The following RGS6 variants were observed in gnomAD, a reference collection of about 807,000 sequenced individuals.
RGS6 encodes the protein regulator of G protein signaling 6.
A neutral mutation model predicts 78.5 loss-of-function variants in RGS6; 30 were observed. The ratio of observed to expected loss-of-function variants is 0.38; its 90% CI spans 0.29 to 0.52. The LOEUF (loss-of-function observed/expected upper bound fraction) is 0.52, where lower values mean the gene tolerates loss of function less well. Ranked by LOEUF, RGS6 falls within the 20% of genes least tolerant of loss-of-function variation. The pLI is 0.85. For synonymous variants in RGS6, 206 were observed against 206.0 expected (o/e 1.00, Z 0.00); for missense variants, 495 against 609.7 (o/e 0.81, Z 1.98).
chr14:72,003,938 C>G (rs541407254), intron 2 of RGS6, among the ~76,000 whole-genome samples: 2 of 152,278 alleles, frequency 1.3e-5, no homozygotes, highest in African/African-American at 4.8e-5. Context: ...AGGTTGACAG[C>G]TGAGAGCTAA....
intron 2 of RGS6, among the ~76,000 whole-genome samples, chr14:72,093,387 T>C (rs918013772): frequency 6.6e-6 from 1 of 151,898 alleles, no homozygotes; most frequent in African/African-American, 2.4e-5. Context: ...GGACTAAAGG[T>C]GCATGCCACC....
In RGS6 at chr14:72,560,797, CGTGTGTGTGTGTGT is replaced by C. The variant is rs57504072; in HGVS notation, c.1423-1591_1423-1578del. 6.1e-3 allele frequency among the ~76,000 whole-genome samples: 855 copies of C among 141,322 alleles called. 6 individuals are homozygous for C. The highest frequency in any genetic ancestry group is 0.018 in the African/African-American group (721 of 39,170). 92.7% of individuals were successfully genotyped at this position (141,322 alleles called of 152,430 possible). ...GTTGCTGATGGGGTGATTTTGTGGACGTGTGTGTGTGTGTGTGTGTGTGTGTGTGTGTGTGTGTG... is the reference window on the plus strand; with the variant it reads ...GTTGCTGATGGGGTGATTTTGTGGACGTGTGTGTGTGTGTGTGTGTGTGTG... On this transcript the variant is annotated intron_variant, in intron 17 of 17. Transcript: ENST00000553525.
At chr14:72,253,082 T>C (rs1439193919) in intron 2 of RGS6, among the ~76,000 whole-genome samples, 1 of 152,234 alleles carries the variant, frequency 6.6e-6, no homozygotes, top group East Asian at 1.9e-4. Context: ...AGGAGTTCTC[T>C]ATCCAATGGT....
At chr14:72,583,855 G>A in the RGS6 span, among the ~76,000 whole-genome samples, 3 of 152,180 alleles carry the variant, frequency 2.0e-5, no homozygotes, top group South Asian at 2.1e-4. Context: ...GAGGACACCC[G>A]CCGGCTTCCT....
intron 2 of RGS6, among the ~76,000 whole-genome samples, chr14:72,236,671 C>T (rs949117863): frequency 5.3e-5 from 8 of 152,102 alleles, no homozygotes; most frequent in African/African-American, 1.4e-4. Context: ...ACATCCCAGA[C>T]GGTGGAGGGG....
At chr14:72,234,909 T>G (rs1401380165) in intron 2 of RGS6, among the ~76,000 whole-genome samples, 5 of 152,170 alleles carry the variant, frequency 3.3e-5, no homozygotes, top group South Asian at 2.1e-4. Context: ...TTTCCAAATT[T>G]GTGGGAAAGG....
intron 2 of RGS6, among the ~76,000 whole-genome samples, chr14:72,091,717 G>T (rs577557426): frequency 1.5e-4 from 23 of 152,138 alleles, no homozygotes; most frequent in Non-Finnish European, 3.1e-4. Flanking sequence ...GGTGGAGAGT[G>T]GAAGGGGCCA....
chr14:72,068,095 C>G (rs1326012831), intron 2 of RGS6, among the ~76,000 whole-genome samples: 1 of 151,692 alleles, frequency 6.6e-6, no homozygotes, highest in Non-Finnish European at 1.5e-5. Flanking sequence ...GAAAGTGAGC[C>G]CAGATTACAC....
intron 1 of RGS6, among the ~76,000 whole-genome samples, chr14:71,954,518 A>G (rs2092638415): frequency 6.6e-6 from 1 of 152,202 alleles, no homozygotes; most frequent in Admixed American, 6.5e-5. Flanking sequence ...TGCAATGCAT[A>G]ATAACCACAT....
chr14:72,285,879 TGTA>T (rs773507211), intron 2 of RGS6, among the ~76,000 whole-genome samples: 51 of 152,218 alleles, frequency 3.4e-4, no homozygotes, highest in Non-Finnish European at 5.9e-4. Flanking sequence ...GCCATTGAGT[TGTA>T]GTAGGAGTTC....
chr14:72,473,703 A>G (rs1228316447), intron 9 of RGS6, among the ~76,000 whole-genome samples: 1 of 152,242 alleles, frequency 6.6e-6, no homozygotes, highest in East Asian at 1.9e-4. Context: ...TCCCGTGGGA[A>G]CTACCAAGCT....
At chr14:72,400,143 T>G (rs1423017035) in intron 3 of RGS6, among the ~76,000 whole-genome samples, 1 of 152,200 alleles carries the variant, frequency 6.6e-6, no homozygotes, top group African/African-American at 2.4e-5. Flanking sequence ...GAGAGAAAGG[T>G]CGGGTTACCC....
the RGS6 span, among the ~76,000 whole-genome samples, chr14:71,909,217 G>A: frequency 6.6e-6 from 1 of 152,112 alleles, no homozygotes; most frequent in Non-Finnish European, 1.5e-5. Context: ...GTTTTCTGAG[G>A]ACGCCCTACT....
intron 2 of RGS6, among the ~76,000 whole-genome samples, chr14:71,992,760 C>T (rs554512786): frequency 2.0e-5 from 3 of 152,308 alleles, no homozygotes; most frequent in Non-Finnish European, 4.4e-5. Context: ...ATTTGGCCAA[C>T]TTATATTTCT....
At chr14:72,369,562 A>G (rs1451420728) in intron 3 of RGS6, among the ~76,000 whole-genome samples, 2 of 152,208 alleles carry the variant, frequency 1.3e-5, no homozygotes, top group Non-Finnish European at 2.9e-5. Context: ...TTTTTTTTAG[A>G]AAAATTGTGA....
chr14:72,442,469 C>G (rs149401716), intron 3 of RGS6, among the ~76,000 whole-genome samples: 5 of 152,130 alleles, frequency 3.3e-5, no homozygotes, highest in Admixed American at 1.3e-4. Context: ...TCTGTGTCCC[C>G]ATAGCACCCC....
intron 2 of RGS6, among the ~76,000 whole-genome samples, chr14:72,045,913 G>A (rs1023807822): frequency 3.9e-5 from 6 of 151,942 alleles, no homozygotes; most frequent in South Asian, 2.1e-4. Flanking sequence ...CCACGCCCCC[G>A]CACCCCGCCA....
At chr14:71,899,024 A>G in the RGS6 span, among the ~76,000 whole-genome samples, 1 of 152,200 alleles carries the variant, frequency 6.6e-6, no homozygotes. Flanking sequence ...CCAGTTTTCT[A>G]AGTGATGCTG....
chr14:72,011,065 A>C (rs918655160), intron 2 of RGS6, among the ~76,000 whole-genome samples: 2 of 152,218 alleles, frequency 1.3e-5, no homozygotes, highest in Non-Finnish European at 2.9e-5. Flanking sequence ...AAATAAAGCT[A>C]CTTGAGCTCC....
Sources: gnomAD v4.1 joint callset for allele counts (sites outside exome capture counted in the v4.1 genomes callset) on GRCh38, gnomAD v4.1.1 for gene constraint, MANE v1.5 for transcripts, NCBI Gene and HGNC (gene_info 2026-07-23, HGNC 2026-07-21) for gene names.